The following PDE1A variants were observed in gnomAD, a reference collection of about 807,000 sequenced individuals.
The protein encoded by PDE1A is phosphodiesterase 1A.
In PDE1A, 35 loss-of-function variants were observed where a neutral mutation model predicts 61.7. The ratio of observed to expected loss-of-function variants is 0.57; its 90% CI spans 0.43 to 0.75. PDE1A has a LOEUF of 0.75. Among genes scored for constraint, PDE1A ranks in the 30% least tolerant of loss-of-function variants. The pLI is 0.00. For missense variants in PDE1A, 597 were observed against 630.6 expected (o/e 0.95, Z 0.57); for synonymous variants, 232 against 213.2 (o/e 1.09, Z -0.77).
chr2:182,569,081 T>A, the PDE1A span, among the ~76,000 whole-genome samples: 1 of 151,660 alleles, frequency 6.6e-6, no homozygotes, highest in South Asian at 2.1e-4. Context: ...GACAAAACCA[T>A]ATCTCTAAAA....
intron 13 of PDE1A, among the ~76,000 whole-genome samples, chr2:182,177,573 A>G (rs1012672124): frequency 3.9e-5 from 6 of 151,940 alleles, no homozygotes; most frequent in Non-Finnish European, 8.8e-5. Flanking sequence ...ATGGTTGTAG[A>G]TGTGTGGCAT....
At chr2:182,168,230 G>GT (rs992431400) in exon 14 of PDE1A, 1 of 1,575,234 alleles carries the variant, frequency 6.3e-7, no homozygotes, top group African/African-American at 1.4e-5. Context: ...CATGCACGAG[G>GT]TTTTACTTAA....
chr2:182,448,467 G>A (rs945266384), intron 2 of PDE1A, among the ~76,000 whole-genome samples: 2 of 152,012 alleles, frequency 1.3e-5, no homozygotes, highest in Non-Finnish European at 2.9e-5. Flanking sequence ...AAATTGTAAA[G>A]TATATGCGAT....
intron 7 of PDE1A, among the ~76,000 whole-genome samples, chr2:182,211,510 C>T (rs1478998209): frequency 6.6e-6 from 1 of 152,124 alleles, no homozygotes; most frequent in Non-Finnish European, 1.5e-5. Flanking sequence ...AGTCTTTTGC[C>T]TCTCCATACA....
intron 2 of PDE1A, among the ~76,000 whole-genome samples, chr2:182,458,079 T>C (rs1346676411): frequency 6.6e-6 from 1 of 152,080 alleles, no homozygotes; most frequent in African/African-American, 2.4e-5. Context: ...GATACATATT[T>C]ACAACAGTAG....
chr2:182,264,749 G>GT (rs1029629275), intron 1 of PDE1A, among the ~76,000 whole-genome samples: 10 of 150,190 alleles, frequency 6.7e-5, no homozygotes, highest in South Asian at 2.1e-4. Context: ...TGGTTTTTCT[G>GT]TTTTTTTAAT....
At chr2:182,272,122 A>C (rs1559280260) in intron 1 of PDE1A, among the ~76,000 whole-genome samples, 1 of 152,054 alleles carries the variant, frequency 6.6e-6, no homozygotes, top group Non-Finnish European at 1.5e-5. Flanking sequence ...GGTTTGGGAG[A>C]TCTAATATCC....
the PDE1A span, among the ~76,000 whole-genome samples, chr2:182,580,759 C>T: frequency 6.6e-6 from 1 of 152,098 alleles, no homozygotes. Context: ...AATAAAGGTG[C>T]ACTTCCTTTT....
chr2:182,667,774 T>G, the PDE1A span, among the ~76,000 whole-genome samples: 1 of 151,688 alleles, frequency 6.6e-6, no homozygotes, highest in African/African-American at 2.4e-5. Flanking sequence ...GACAGAACAA[T>G]GTCAATGTTC....
chr2:182,262,300 C>T (rs576931409), intron 2 of PDE1A, among the ~76,000 whole-genome samples: 1 of 151,582 alleles, frequency 6.6e-6, no homozygotes, highest in South Asian at 2.1e-4. Context: ...TGATCTCACT[C>T]TGTCACCCAG....
At chr2:182,586,257 A>G in the PDE1A span, among the ~76,000 whole-genome samples, 2 of 152,184 alleles carry the variant, frequency 1.3e-5, no homozygotes, top group Non-Finnish European at 2.9e-5. Context: ...GCAATGTAAA[A>G]CAGCAATTAA....
intron 2 of PDE1A, among the ~76,000 whole-genome samples, chr2:182,494,170 G>A (rs544262259): frequency 1.3e-5 from 2 of 152,074 alleles, no homozygotes; most frequent in Non-Finnish European, 2.9e-5. Context: ...AAGGTTGAAT[G>A]GTCTTTACTG....
chr2:182,640,539 G>C, the PDE1A span, among the ~76,000 whole-genome samples: 1 of 152,128 alleles, frequency 6.6e-6, no homozygotes, highest in African/African-American at 2.4e-5. Context: ...AAGAATATAA[G>C]AGTAAATACT....
chr2:182,254,705 G>A (rs773407678), intron 2 of PDE1A, among the ~76,000 whole-genome samples: 1 of 152,122 alleles, frequency 6.6e-6, no homozygotes, highest in Non-Finnish European at 1.5e-5. Flanking sequence ...CAAGAAAGGA[G>A]TTGCTGAACT....
the PDE1A span, among the ~76,000 whole-genome samples, chr2:182,603,379 T>C: frequency 6.6e-6 from 1 of 152,134 alleles, no homozygotes; most frequent in Non-Finnish European, 1.5e-5. Flanking sequence ...TGAAGTCTCA[T>C]TCTTTTGCCC....
At chr2:182,362,258 C>T (rs1699554113) in intron 1 of PDE1A, among the ~76,000 whole-genome samples, 1 of 151,940 alleles carries the variant, frequency 6.6e-6, no homozygotes, top group Non-Finnish European at 1.5e-5. Flanking sequence ...AGAAGGATGT[C>T]CCCCAGGCCT....
the PDE1A span, among the ~76,000 whole-genome samples, chr2:182,623,967 T>C: frequency 1.3e-5 from 2 of 151,260 alleles, no homozygotes; most frequent in Non-Finnish European, 2.9e-5. Flanking sequence ...CTACTAAAAA[T>C]ACAAAAAATT....
chr2:182,698,646 T>C, the PDE1A span, among the ~76,000 whole-genome samples: 1 of 152,228 alleles, frequency 6.6e-6, no homozygotes, highest in Non-Finnish European at 1.5e-5. Flanking sequence ...AATGATGACA[T>C]AAAAGTGCTC....
chr2:182,657,279 T>C, the PDE1A span, among the ~76,000 whole-genome samples: 1 of 152,142 alleles, frequency 6.6e-6, no homozygotes, highest in South Asian at 2.1e-4. Context: ...TCAACCGCAT[T>C]TAGAATATCA....
Sources: gnomAD v4.1 joint callset for allele counts (sites outside exome capture counted in the v4.1 genomes callset) on GRCh38, gnomAD v4.1.1 for gene constraint, MANE v1.5 for transcripts, NCBI Gene and HGNC (gene_info 2026-07-23, HGNC 2026-07-21) for gene names.